NAV2: variants seen among roughly 807,000 people sequenced by gnomAD.
NAV2 encodes helicase, APC down-regulated 1.
In NAV2, 54 loss-of-function variants were observed where a neutral mutation model predicts 223.2. The ratio of observed to expected loss-of-function variants is 0.24; its 90% CI spans 0.19 to 0.30. The LOEUF (loss-of-function observed/expected upper bound fraction) is 0.30, where lower values mean the gene tolerates loss of function less well. NAV2 is among the 10% of genes least tolerant of loss of function. The pLI is 1.00. For synonymous variants in NAV2, 1,279 were observed against 1,239.3 expected (o/e 1.03, Z -0.67); for missense variants, 2,806 against 3,147.5 (o/e 0.89, Z 2.60).
At chr11:19,878,270 G>A (rs912531819) in intron 4 of NAV2, among the ~76,000 whole-genome samples, 3 of 152,186 alleles carry the variant, frequency 2.0e-5, no homozygotes, top group African/African-American at 7.2e-5. Context: ...TCATTTTTAA[G>A]GTATGAAGCT....
intron 1 of NAV2, among the ~76,000 whole-genome samples, chr11:19,587,272 C>T (rs2045931358): frequency 6.6e-6 from 1 of 152,210 alleles, no homozygotes; most frequent in Admixed American, 6.5e-5. Flanking sequence ...CAGGTGCTGC[C>T]TGTCACCCCT....
intron 1 of NAV2, among the ~76,000 whole-genome samples, chr11:19,447,954 T>C (rs1170740797): frequency 6.6e-6 from 1 of 152,126 alleles, no homozygotes; most frequent in Non-Finnish European, 1.5e-5. Context: ...CCCTCCCACC[T>C]TCCTCTCTCT....
chr11:19,860,343 C>T (rs1405380192), intron 3 of NAV2, among the ~76,000 whole-genome samples: 196 of 142,802 alleles, frequency 1.4e-3, no homozygotes, highest in African/African-American at 5.0e-3. Context: ...AGGGTCTCCT[C>T]ACTTCTCAGA....
chr11:19,643,706 T>C (rs1017654930), intron 1 of NAV2, among the ~76,000 whole-genome samples: 1 of 152,164 alleles, frequency 6.6e-6, no homozygotes, highest in Non-Finnish European at 1.5e-5. Flanking sequence ...GGTCAAGTGG[T>C]ATTTCTAGTT....
intron 1 of NAV2, among the ~76,000 whole-genome samples, chr11:19,422,981 G>T (rs1418507536): frequency 6.6e-6 from 1 of 152,104 alleles, no homozygotes; most frequent in Non-Finnish European, 1.5e-5. Context: ...CAAAAACTGT[G>T]GTCAAGTTAC....
intron 1 of NAV2, among the ~76,000 whole-genome samples, chr11:19,589,147 T>A (rs1038996213): frequency 5.9e-5 from 9 of 152,286 alleles, no homozygotes; most frequent in African/African-American, 1.4e-4. Flanking sequence ...GACAGAGAAG[T>A]CCTGTATTTC....
rs2047148004 is a variant in NAV2, at chr11:19,948,813, A to T, written c.2378A>T (p.Gln793Leu). The change falls in exon 10 of 38, where the codon CAA (glutamine) becomes CTA (leucine). Residue 793 changes from glutamine to leucine, a missense_variant. Physicochemically the swap from Gln to Leu is moderately radical, Grantham distance 113. Coordinates refer to ENST00000349880, the MANE Select transcript of NAV2 (RefSeq NM_145117.5). ...WRLGQSSPRL[Q>L]AGDAPSMGNG... ...CTGGGCCAGTCCAGCCCTCGGCTCCAAGCAGGAGACGCCCCCTCAATGGGC... is the reference window on the plus strand; with the variant it reads ...CTGGGCCAGTCCAGCCCTCGGCTCCTAGCAGGAGACGCCCCCTCAATGGGC... The T allele has an allele frequency of 1.9e-6, 3 of 1,614,000 alleles. No homozygotes were observed.
intron 1 of NAV2, among the ~76,000 whole-genome samples, chr11:19,649,878 G>A (rs1164961238): frequency 6.6e-6 from 1 of 152,180 alleles, no homozygotes; most frequent in Non-Finnish European, 1.5e-5. Flanking sequence ...CAAAGAAAAC[G>A]ATAGTGAGAT....
chr11:19,646,262 G>C (rs2135598767), intron 1 of NAV2, among the ~76,000 whole-genome samples: 1 of 152,350 alleles, frequency 6.6e-6, no homozygotes, highest in South Asian at 2.1e-4. Flanking sequence ...ATACCAACAT[G>C]CTTCGTGTTC....
chr11:19,650,540 C>T (rs563955424), intron 1 of NAV2, among the ~76,000 whole-genome samples: 1 of 152,272 alleles, frequency 6.6e-6, no homozygotes, highest in South Asian at 2.1e-4. Context: ...AAACACCACC[C>T]ACTGTATGAC....
chr11:19,392,921 A>G (rs1308060312), intron 1 of NAV2, among the ~76,000 whole-genome samples: 1 of 152,180 alleles, frequency 6.6e-6, no homozygotes, highest in Non-Finnish European at 1.5e-5. Context: ...GTGATACGTG[A>G]CTTGCTCAGA....
chr11:19,554,338 A>G (rs887760196), intron 1 of NAV2, among the ~76,000 whole-genome samples: 8 of 152,220 alleles, frequency 5.3e-5, no homozygotes, highest in African/African-American at 1.9e-4. Flanking sequence ...GGGCTGTCTG[A>G]TGCCAATGCC....
intron 1 of NAV2, among the ~76,000 whole-genome samples, chr11:19,642,203 A>C (rs1309557302): frequency 6.6e-6 from 1 of 152,140 alleles, no homozygotes; most frequent in Admixed American, 6.5e-5. Context: ...CCCCATCTGC[A>C]CATACTCTTC....
At chr11:19,371,767 G>GT (rs9299953) in intron 1 of NAV2, among the ~76,000 whole-genome samples, 72 of 96,942 alleles carry the variant, frequency 7.4e-4, no homozygotes, top group African/African-American at 2.5e-3. Flanking sequence ...TCTGTATCAG[G>GT]TTTTTTTTTT....
chr11:20,040,821 C>T (rs948727921), intron 12 of NAV2, among the ~76,000 whole-genome samples: 5 of 152,146 alleles, frequency 3.3e-5, no homozygotes, highest in Admixed American at 2.6e-4. Flanking sequence ...TGGCTGGTTC[C>T]GCTGTTGCGA....
chr11:19,899,628 T>G (rs2042279068), intron 6 of NAV2, among the ~76,000 whole-genome samples: 1 of 152,154 alleles, frequency 6.6e-6, no homozygotes, highest in Admixed American at 6.5e-5. Context: ...ACTCACAGTC[T>G]CAGAGAGGAA....
intron 1 of NAV2, among the ~76,000 whole-genome samples, chr11:19,792,855 G>T (rs146406506): frequency 9.0e-4 from 136 of 151,950 alleles, no homozygotes; most frequent in Non-Finnish European, 1.8e-3. Context: ...GATGGGGGAT[G>T]GAGGGAAGGC....
intron 1 of NAV2, among the ~76,000 whole-genome samples, chr11:19,391,458 T>C (rs1236044403): frequency 1.3e-5 from 2 of 152,230 alleles, no homozygotes; most frequent in Non-Finnish European, 2.9e-5. Context: ...TCTGATGCTC[T>C]CAGTTTCAAA....
At chr11:19,884,177 A>G (rs2063385495) in intron 5 of NAV2, 2 of 686,604 alleles carry the variant, frequency 2.9e-6, no homozygotes, top group South Asian at 2.0e-5. Context: ...AACAGTGGGC[A>G]GGGGGGGAAA....
Sources: gnomAD v4.1 joint callset for allele counts (sites outside exome capture counted in the v4.1 genomes callset) on GRCh38, gnomAD v4.1.1 for gene constraint, MANE v1.5 for transcripts, NCBI Gene and HGNC (gene_info 2026-07-23, HGNC 2026-07-21) for gene names.